MYO16: variants seen among roughly 807,000 people sequenced by gnomAD.
The protein encoded by MYO16 is unconventional myosin-XVI.
A neutral mutation model predicts 205.3 loss-of-function variants in MYO16; 94 were observed. The observed-to-expected ratio is 0.46, with a 90% CI of 0.39 to 0.54. MYO16 has a LOEUF of 0.54. Among genes scored for constraint, MYO16 ranks in the 20% least tolerant of loss-of-function variants. The pLI, the probability that MYO16 is intolerant of heterozygous loss-of-function variation, is 0.00. For synonymous variants in MYO16, 988 were observed against 954.0 expected, an observed-to-expected ratio of 1.04 and a Z score of -0.66; for missense variants, 2,315 against 2,387.5, an observed-to-expected ratio of 0.97 and a Z score of 0.63.
At chr13:108,675,073 T>G (rs531165215) in intron 2 of MYO16, among the ~76,000 whole-genome samples, 31 of 152,300 alleles carry the variant, frequency 2.0e-4, no homozygotes, top group African/African-American at 5.8e-4. Flanking sequence ...AGCTGTGGAT[T>G]CATCCTTTCC....
At chr13:109,102,843 G>A (rs1594088210) in intron 28 of MYO16, among the ~76,000 whole-genome samples, 1 of 152,148 alleles carries the variant, frequency 6.6e-6, no homozygotes, top group Middle Eastern at 3.4e-3. Context: ...TATTTTAAAT[G>A]GGAAAGGGAT....
At chr13:108,965,907 C>T (rs370887822) in intron 20 of MYO16, among the ~76,000 whole-genome samples, 44 of 152,192 alleles carry the variant, frequency 2.9e-4, no homozygotes, top group African/African-American at 9.1e-4. Flanking sequence ...CTTAGTCATC[C>T]GTATAGACTT....
the MYO16 span, among the ~76,000 whole-genome samples, chr13:108,591,114 C>T: frequency 6.6e-6 from 1 of 152,122 alleles, no homozygotes; most frequent in Non-Finnish European, 1.5e-5. Context: ...CCCAGCCTTG[C>T]ATCCTTAGAA....
At position 108,883,113 on chromosome 13, in the gene MYO16, C is replaced by A; in HGVS notation, c.1480C>A (p.His494Asn). 6.2e-7 allele frequency: 1 copy of A among 1,614,148 alleles called. No individual in the cohort carries two copies. The highest frequency in any genetic ancestry group is 8.5e-7 in the Non-Finnish European group (1 of 1,180,010). The change falls in exon 13 of 35, where the codon CAC becomes AAC. Residue 494 changes from histidine to asparagine, a missense_variant. By Grantham distance (68) the His-to-Asn change is moderately conservative (BLOSUM62 1). Transcript: ENST00000457511. ...GAAGCTGTGTTCCTCGCTGCCTCCTCACCTCTTCTCCTGTGTGGAGAGAGC... is the reference window on the plus strand; with the variant it reads ...GAAGCTGTGTTCCTCGCTGCCTCCTAACCTCTTCTCCTGTGTGGAGAGAGC... ...SGKLCSSLPP[H>N]LFSCVERAFH...
chr13:109,164,432 A>G (rs963875517), intron 32 of MYO16, among the ~76,000 whole-genome samples: 1 of 152,200 alleles, frequency 6.6e-6, no homozygotes, highest in African/African-American at 2.4e-5. Flanking sequence ...CGAGTATTGA[A>G]GTTCAGTATT....
intron 2 of MYO16, among the ~76,000 whole-genome samples, chr13:108,702,452 G>A (rs925289024): frequency 6.6e-6 from 1 of 152,110 alleles, no homozygotes; most frequent in Non-Finnish European, 1.5e-5. Flanking sequence ...CCATGAAAAT[G>A]ACTTTTCAAA....
rs1379803847 is a variant in MYO16 at position 109,055,608 on chromosome 13, G to C, written c.3335+13G>C. On this transcript the variant is annotated intron_variant, in intron 27 of 34. Coordinates refer to ENST00000457511, the MANE Select transcript of MYO16 (RefSeq NM_001198950.3). The surrounding 1 kb of genome is among the most constrained non-coding windows in gnomAD (Gnocchi z 5.0). ...ATTTCCTGTCAAGGTAAATTCTTCTGCTCTTAAAATCGTCGTTCTCGCTGC... is the reference window on the plus strand; with the variant it reads ...ATTTCCTGTCAAGGTAAATTCTTCTCCTCTTAAAATCGTCGTTCTCGCTGC... 7 of 1,602,370 alleles carry C rather than the reference G, an allele frequency of 4.4e-6. No homozygotes were observed. The Admixed American group carries it at 8.4e-5, about 19-fold the overall frequency.
At chr13:108,628,293 A>G (rs1879824496), upstream of MYO16, among the ~76,000 whole-genome samples, 2 of 152,198 alleles carry the variant, frequency 1.3e-5, no homozygotes, top group South Asian at 4.1e-4. Context: ...TGAAGGCTGC[A>G]AATCCTCATT....
chr13:108,519,854 T>TA, the MYO16 span, among the ~76,000 whole-genome samples: 2 of 152,196 alleles, frequency 1.3e-5, no homozygotes, highest in African/African-American at 4.8e-5. Context: ...TGACATTATA[T>TA]AAAAAAACTG....
intron 32 of MYO16, among the ~76,000 whole-genome samples, chr13:109,143,387 A>G (rs1373291390): frequency 1.3e-5 from 2 of 152,214 alleles, no homozygotes; most frequent in African/African-American, 4.8e-5. Context: ...ATAGGCCATT[A>G]ATAAATGAAA....
At chr13:108,951,158 CA>C (rs892455326) in intron 16 of MYO16, among the ~76,000 whole-genome samples, 9 of 151,808 alleles carry the variant, frequency 5.9e-5, no homozygotes, top group African/African-American at 1.7e-4. Context: ...TGGAAAAGAA[CA>C]AAAAAAGAAG....
At chr13:108,878,834 C>G (rs1879454993) in intron 12 of MYO16, among the ~76,000 whole-genome samples, 2 of 152,230 alleles carry the variant, frequency 1.3e-5, no homozygotes, top group African/African-American at 4.8e-5. Flanking sequence ...AGTGGCCAAA[C>G]AGATGAGCCA....
intron 34 of MYO16, among the ~76,000 whole-genome samples, chr13:109,206,184 A>G (rs1447513930): frequency 1.3e-5 from 2 of 152,156 alleles, no homozygotes; most frequent in African/African-American, 4.8e-5. Flanking sequence ...AACTATGTGG[A>G]CAGATGGAGG....
intron 11 of MYO16, among the ~76,000 whole-genome samples, chr13:108,856,606 CA>C (rs1280686440): frequency 4.0e-5 from 6 of 151,604 alleles, no homozygotes; most frequent in Non-Finnish European, 8.8e-5. Context: ...ATTTTTATAA[CA>C]TTTTTTCATC....
At chr13:109,069,823 G>A (rs949335422) in intron 27 of MYO16, among the ~76,000 whole-genome samples, 1 of 152,154 alleles carries the variant, frequency 6.6e-6, no homozygotes, top group Middle Eastern at 3.4e-3. Context: ...TTCAACATAT[G>A]AATTTTAAGA....
chr13:108,756,845 A>G (rs1179049885), intron 4 of MYO16, among the ~76,000 whole-genome samples: 6 of 152,206 alleles, frequency 3.9e-5, no homozygotes, highest in African/African-American at 1.4e-4. Context: ...AGTCAAGTTG[A>G]CACGTAATTA....
rs747885409 is a variant in MYO16, at chr13:109,140,332, A to T, written c.4120A>T (p.Lys1374Ter). 6.2e-7 allele frequency: 1 copy of T among 1,603,290 alleles called. No individual in the cohort carries two copies. The highest frequency in any genetic ancestry group is 8.5e-7 in the Non-Finnish European group (1 of 1,179,354). Residue 1374 changes from lysine to a stop codon, truncating the protein, a stop_gained, in exon 32 of 35, where the codon AAG becomes TAG. Transcript: ENST00000457511. LOFTEE classifies it high-confidence loss of function. This position sits in a 1 kb window ranked among gnomAD's most constrained non-coding sequence, Gnocchi z 8.0. The stretch of plus-strand genomic sequence containing the variant: ...GAAGAAGATTCCTCCTCGAAAGCCC[A>T]AGCGCAGCCCCAACACCAAGCTCAG... The part of the protein sequence containing the change: ...TMKKIPPRKP[K>*]RSPNTKLSGS...
chr13:108,958,691 GTGGTTAC>G (rs1883472676), intron 17 of MYO16, among the ~76,000 whole-genome samples: 1 of 152,174 alleles, frequency 6.6e-6, no homozygotes, highest in African/African-American at 2.4e-5. Context: ...TGTGTGGTTA[GTGGTTAC>G]TGAATCAAAC....
chr13:108,573,063 G>A, the MYO16 span, among the ~76,000 whole-genome samples: 2 of 152,198 alleles, frequency 1.3e-5, no homozygotes, highest in Non-Finnish European at 2.9e-5. Flanking sequence ...ATCTCTCAAT[G>A]CCTCCTCGCT....
Sources: allele counts gnomAD v4.1 joint callset (sites outside exome capture counted in the v4.1 genomes callset), GRCh38; gene constraint gnomAD v4.1.1; non-coding constraint Gnocchi (gnomAD v3.1); transcripts MANE v1.5; gene names NCBI Gene and HGNC (gene_info 2026-07-23, HGNC 2026-07-21).